The following MOB1B variants were observed in gnomAD, a reference collection of about 807,000 sequenced individuals.
MOB1B encodes MOB1 Mps One Binder homolog B.
MOB1B carries 19 observed loss-of-function variants against 24.4 expected under a neutral mutation model. The observed-to-expected ratio is 0.78, with a 90% CI of 0.54 to 1.14. MOB1B has a LOEUF of 1.14. Among genes scored for constraint, MOB1B ranks in the 50% most tolerant of loss-of-function variants. MOB1B has a pLI of 0.00. For missense variants in MOB1B, 243 were observed against 259.6 expected, an observed-to-expected ratio of 0.94 and a Z score of 0.44; for synonymous variants, 76 against 82.1, an observed-to-expected ratio of 0.93 and a Z score of 0.40.
At chr4:70,969,758 C>G (rs1021734968) in intron 2 of MOB1B, among the ~76,000 whole-genome samples, 173 bp from the exon 3 acceptor site, 1 of 152,166 alleles carries the variant, frequency 6.6e-6, no homozygotes, top group Non-Finnish European at 1.5e-5. Flanking sequence ...TCAAGGGAGT[C>G]GTTTGATGAA....
At position 70,986,232 on chromosome 4, in the gene MOB1B, T is replaced by C. The variant is rs753135375; in HGVS notation, c.*4175T>C. 1 of 152,168 alleles carries C rather than the reference T, an allele frequency of 6.6e-6. No homozygotes were observed. Among genetic ancestry groups the C allele is most frequent in the African/African-American group, 2.4e-5 (1 of 41,456 alleles). The allele number at this position is 152,168 out of a possible 1,614,324, so 9.4% of individuals were successfully genotyped here. A position where few individuals can be genotyped will look rare whatever the true frequency, so the allele number is the denominator to read the frequency against. On this transcript the variant is annotated 3_prime_UTR_variant, in exon 6 of 6. Transcript: ENST00000309395. ...GGAAAAGTGGATCCAATATTTAAGA[T>C]AGAAGTAGTTTAAGGAGACAACAGC...
chr4:70,938,937 C>T (rs1262201729), intron 1 of MOB1B, among the ~76,000 whole-genome samples: 1 of 152,104 alleles, frequency 6.6e-6, no homozygotes, highest in African/African-American at 2.4e-5. Flanking sequence ...GCCAGCACCT[C>T]GACCTCCCAA....
intron 1 of MOB1B, chr4:70,942,897 A>G: frequency 9.2e-6 from 7 of 761,682 alleles, no homozygotes; most frequent in Non-Finnish European, 1.1e-5. Flanking sequence ...GCAAAGAAAA[A>G]ATTATTATAT....
intron 2 of MOB1B, among the ~76,000 whole-genome samples, chr4:70,963,522 A>G (rs948028700): frequency 2.6e-5 from 4 of 152,066 alleles, no homozygotes; most frequent in Admixed American, 1.3e-4. Context: ...AAAATGGTCC[A>G]ACACAAAAGT....
intron 1 of MOB1B, among the ~76,000 whole-genome samples, chr4:70,942,148 A>G (rs1375137201): frequency 6.6e-6 from 1 of 152,138 alleles, no homozygotes; most frequent in African/African-American, 2.4e-5. Flanking sequence ...TATTTTATTA[A>G]AAACGAAAAA....
rs1226569889 is a variant in MOB1B, at chr4:70,921,481, TCTCCCCTCCC to T, written c.14+18954_14+18963del. On this transcript the variant is annotated intron_variant, in intron 1 of 5. Coordinates refer to ENST00000309395, the MANE Select transcript of MOB1B (RefSeq NM_173468.4). ...CTTTCTTTTCTTCTCTCTTCTCTTC[TCTCCCCTCCC>T]CTCCCCTCCCCTCCCCTCCCCTTCC... Among the ~76,000 whole-genome samples the T allele has an allele frequency of 3.4e-3, 129 of 38,368 alleles. 9 individuals are homozygous for T. The highest frequency in any genetic ancestry group is 9.1e-3 in the African/African-American group (114 of 12,526). The allele number at this position is 38,368 out of a possible 152,430, so 25.2% of individuals were successfully genotyped here.
Position 70,979,108 on chromosome 4 carries a change from GTTGT to G in MOB1B, c.410-17_410-14del. ...TTGTCATCTCTTGTTACTAGAGGGA[GTTGT>G]TTATCTCTTTTCTAGGTGTCCCGTT... On this transcript the variant is annotated splice_polypyrimidine_tract_variant and intron_variant, in intron 4 of 5. Transcript: ENST00000309395. The G allele has an allele frequency of 6.2e-7, 1 of 1,603,308 alleles. No individual in the cohort carries two copies. Among genetic ancestry groups the G allele is most frequent in the Non-Finnish European group, 8.5e-7 (1 of 1,173,194 alleles).
intron 4 of MOB1B, chr4:70,976,683 A>G: frequency 1.0e-6 from 1 of 963,652 alleles, no homozygotes; most frequent in Non-Finnish European, 1.2e-6. Context: ...AGTACTTTAA[A>G]CATATTTATT....
At chr4:70,950,302 G>A (rs1737749181) in intron 1 of MOB1B, among the ~76,000 whole-genome samples, 3 of 151,934 alleles carry the variant, frequency 2.0e-5, no homozygotes, top group Admixed American at 2.0e-4. Context: ...TGGGCGTGGT[G>A]GTGGGTGCCT....
At chr4:70,966,990 G>T (rs951559060) in intron 2 of MOB1B, among the ~76,000 whole-genome samples, 1 of 152,012 alleles carries the variant, frequency 6.6e-6, no homozygotes, top group Non-Finnish European at 1.5e-5. Flanking sequence ...ATAATAAAAG[G>T]GTTATCAAGT....
At position 70,979,181 on chromosome 4, in the gene MOB1B, C is replaced by A. The variant is rs1739109845; in HGVS notation, c.463C>A (p.Leu155Ile). The A allele has an allele frequency of 6.2e-7, 1 of 1,613,834 alleles. No individual in the cohort carries two copies. The highest frequency in any genetic ancestry group is 1.3e-5 in the African/African-American group (1 of 75,016). The part of the protein sequence containing the change: ...MSVAKTILKR[L>I]FRVYAHIYHQ... Reference sequence around the variant, plus strand: ...TGTGGCAAAAACTATACTCAAACGCCTCTTTAGGGTTTATGCTCACATTTA... The same window carrying A: ...TGTGGCAAAAACTATACTCAAACGCATCTTTAGGGTTTATGCTCACATTTA... Residue 155 changes from leucine (L) to isoleucine (I), a missense_variant, in exon 5 of 6, where the codon CTC becomes ATC. Transcript: ENST00000309395.
At chr4:70,954,775 G>T (rs1001058446) in intron 1 of MOB1B, among the ~76,000 whole-genome samples, 1 of 148,720 alleles carries the variant, frequency 6.7e-6, no homozygotes, top group African/African-American at 2.5e-5. Flanking sequence ...TTTGGAGACG[G>T]AGTCTCGCTC....
At position 70,908,277 on chromosome 4, in the gene MOB1B, C is replaced by T. The variant is rs560627081; in HGVS notation, c.14+5727C>T. On this transcript the variant is annotated intron_variant, in intron 1 of 5. Transcript: ENST00000309395. The stretch of plus-strand genomic sequence containing the variant: ...TCTCCTGACCTCGTGATCCGCCTGC[C>T]TCGGCCTCCCAAAGTGCTGGGATTA... Among the ~76,000 whole-genome samples the T allele has an allele frequency of 5.3e-5, 8 of 150,036 alleles. No individual in the cohort carries two copies. In the East Asian group the frequency reaches 1.4e-3, roughly 26 times the overall value.
At chr4:70,902,644 C>G in intron 1 of MOB1B, 94 bp downstream of exon 1, 1 of 1,219,634 alleles carries the variant, frequency 8.2e-7, no homozygotes, top group Middle Eastern at 2.8e-4. Context: ...TCGTCCCGAC[C>G]CTCCTGGCCC....
intron 1 of MOB1B, among the ~76,000 whole-genome samples, chr4:70,936,847 A>G (rs557959436): frequency 7.9e-5 from 12 of 152,244 alleles, no homozygotes; most frequent in Admixed American, 5.2e-4. Flanking sequence ...TAATTTTCCT[A>G]CAGAATTTTG....
At chr4:70,927,725 C>G (rs1206304509) in intron 1 of MOB1B, among the ~76,000 whole-genome samples, 1 of 152,120 alleles carries the variant, frequency 6.6e-6, no homozygotes, top group Non-Finnish European at 1.5e-5. Flanking sequence ...TCCACTTTAG[C>G]ATCTTGGTTT....
At position 70,973,910 on chromosome 4, in the gene MOB1B, A is replaced by T. The variant is rs149524344; in HGVS notation, c.276-1243A>T. Among the ~76,000 whole-genome samples, 215 of 152,206 alleles carry T rather than the reference A, an allele frequency of 1.4e-3. 1 individual carries two copies. The highest frequency in any genetic ancestry group is 2.1e-3 in the Non-Finnish European group (141 of 68,034). On this transcript the variant is annotated intron_variant, in intron 3 of 5. Coordinates refer to ENST00000309395, the MANE Select transcript of MOB1B (RefSeq NM_173468.4). ...ATCCGAAGATAATTTTTATTGTTTA[A>T]AATACCCTATAGTATTTTTCTGTTA... is the stretch of plus-strand genomic sequence containing the variant.
intron 1 of MOB1B, among the ~76,000 whole-genome samples, chr4:70,955,696 C>A (rs1738017263): frequency 6.6e-6 from 1 of 151,668 alleles, no homozygotes; most frequent in African/African-American, 2.4e-5. Flanking sequence ...TTCTTGAACT[C>A]CCAACCTCAG....
chr4:70,987,894 T>C lies in MOB1B; in HGVS notation c.*5837T>C, dbSNP rs1739431581. 6.6e-6 allele frequency: 1 copy of C among 152,632 alleles called. No individual in the cohort carries two copies. The highest frequency in any genetic ancestry group is 2.4e-5 in the African/African-American group (1 of 41,458). 9.5% of individuals were successfully genotyped at this position (152,632 alleles called of 1,614,324 possible). On this transcript the variant is annotated 3_prime_UTR_variant, in exon 6 of 6. Transcript: ENST00000309395. ...AGAAGGGGAAAAATCATCTAAGTTATGAAATCCAACATAGGCGCTATATTA... is the reference window on the plus strand; with the variant it reads ...AGAAGGGGAAAAATCATCTAAGTTACGAAATCCAACATAGGCGCTATATTA...
Sources: gnomAD v4.1 joint callset for allele counts (sites outside exome capture counted in the v4.1 genomes callset) on GRCh38, gnomAD v4.1.1 for gene constraint, MANE v1.5 for transcripts, NCBI Gene and HGNC (gene_info 2026-07-23, HGNC 2026-07-21) for gene names.